CSTPP1: variants seen among roughly 807,000 people sequenced by gnomAD.
CSTPP1 encodes the protein UPF0705 protein C11orf49.
chr11:47,131,004 G>A, the CSTPP1 span, among the ~76,000 whole-genome samples: 1 of 152,190 alleles, frequency 6.6e-6, no homozygotes, highest in Non-Finnish European at 1.5e-5. Context: ...GACTCCCATG[G>A]CTTGTAGCAT....
the CSTPP1 span, among the ~76,000 whole-genome samples, chr11:47,066,622 A>G: frequency 6.6e-6 from 1 of 152,254 alleles, no homozygotes; most frequent in African/African-American, 2.4e-5. Flanking sequence ...TTTATAAAGT[A>G]GATGATAATC....
chr11:47,016,390 C>CAA, the CSTPP1 span, among the ~76,000 whole-genome samples: 94,434 of 125,582 alleles, frequency 0.75, 33,812 homozygotes, highest in African/African-American at 0.78. Flanking sequence ...ATGGAATCTA[C>CAA]AAAAAACAAA....
the CSTPP1 span, chr11:47,161,233 G>C: frequency 1.9e-6 from 3 of 1,614,012 alleles, no homozygotes; most frequent in Middle Eastern, 3.3e-4. Context: ...GTGGGGGCCA[G>C]ACGGGTCGGA....
the CSTPP1 span, among the ~76,000 whole-genome samples, chr11:46,942,883 C>T: frequency 1.2e-4 from 19 of 152,224 alleles, no homozygotes; most frequent in African/African-American, 4.3e-4. Flanking sequence ...CCAGGTTTGT[C>T]ATATTCCACA....
chr11:46,982,340 T>C, the CSTPP1 span, among the ~76,000 whole-genome samples: 2 of 152,132 alleles, frequency 1.3e-5, no homozygotes, highest in African/African-American at 4.8e-5. Context: ...TTTTCACTTG[T>C]ACTGCTATTG....
the CSTPP1 span, among the ~76,000 whole-genome samples, chr11:47,105,188 T>C: frequency 1.3e-5 from 2 of 152,160 alleles, no homozygotes; most frequent in Non-Finnish European, 2.9e-5. Context: ...GTGCCTATTA[T>C]TTAGAGGATT....
At chr11:46,954,275 G>A in the CSTPP1 span, among the ~76,000 whole-genome samples, 1 of 152,190 alleles carries the variant, frequency 6.6e-6, no homozygotes, top group Non-Finnish European at 1.5e-5. Flanking sequence ...TCGGCTGGAT[G>A]CAGTAGCTTA....
At chr11:47,087,843 G>A in the CSTPP1 span, among the ~76,000 whole-genome samples, 6 of 152,196 alleles carry the variant, frequency 3.9e-5, no homozygotes, top group Non-Finnish European at 7.3e-5. Context: ...GGGAATCCAA[G>A]AGCAGCTTAC....
the CSTPP1 span, among the ~76,000 whole-genome samples, chr11:47,046,093 T>C: frequency 1.3e-5 from 2 of 152,190 alleles, no homozygotes; most frequent in East Asian, 3.9e-4. Context: ...CCTAAAGTGG[T>C]AATTTTTACA....
the CSTPP1 span, among the ~76,000 whole-genome samples, chr11:47,055,608 T>C: frequency 6.6e-6 from 1 of 152,138 alleles, no homozygotes; most frequent in East Asian, 1.9e-4. Context: ...ATAGGTAAAG[T>C]GGGTATTATT....
the CSTPP1 span, among the ~76,000 whole-genome samples, chr11:46,959,332 T>A: frequency 1.3e-5 from 2 of 152,042 alleles, no homozygotes. Context: ...TAGGAAAGGG[T>A]CTTACAGATC....
chr11:46,981,274 A>G, the CSTPP1 span, among the ~76,000 whole-genome samples: 1 of 151,878 alleles, frequency 6.6e-6, no homozygotes, highest in African/African-American at 2.4e-5. Context: ...AAAAAAAAAG[A>G]TGCAGAAAGG....
chr11:47,152,021 A>G, the CSTPP1 span, among the ~76,000 whole-genome samples: 1 of 152,048 alleles, frequency 6.6e-6, no homozygotes. Context: ...CTGCCTCTAT[A>G]GGCGGATCAC....
At chr11:47,111,879 T>G in the CSTPP1 span, among the ~76,000 whole-genome samples, 1 of 152,240 alleles carries the variant, frequency 6.6e-6, no homozygotes, top group Non-Finnish European at 1.5e-5. Context: ...GATTTTACTG[T>G]TCTAAGCACT....
the CSTPP1 span, among the ~76,000 whole-genome samples, chr11:46,967,606 T>TA: frequency 6.6e-6 from 1 of 152,116 alleles, no homozygotes; most frequent in Non-Finnish European, 1.5e-5. Flanking sequence ...TCCAGATTTG[T>TA]AAAATGAAGA....
the CSTPP1 span, chr11:47,137,687 T>G: frequency 6.2e-7 from 1 of 1,614,184 alleles, no homozygotes; most frequent in Non-Finnish European, 8.5e-7. Context: ...CTGCAATTAC[T>G]GTGTCCTGAT....
the CSTPP1 span, among the ~76,000 whole-genome samples, chr11:47,145,840 T>C: frequency 6.6e-6 from 1 of 152,164 alleles, no homozygotes; most frequent in African/African-American, 2.4e-5. Flanking sequence ...CTTGCTGTGT[T>C]GCTCAGGCTG....
the CSTPP1 span, among the ~76,000 whole-genome samples, chr11:47,130,498 A>C: frequency 6.6e-6 from 1 of 152,166 alleles, no homozygotes; most frequent in Non-Finnish European, 1.5e-5. Context: ...GCCAGAGGAG[A>C]TAAAATTGAA....
At chr11:47,025,488 A>T in the CSTPP1 span, among the ~76,000 whole-genome samples, 1 of 152,346 alleles carries the variant, frequency 6.6e-6, no homozygotes, top group Non-Finnish European at 1.5e-5. Context: ...ACAACTTTGT[A>T]TGAAGTATTT....
Sources: allele counts gnomAD v4.1 joint callset (sites outside exome capture counted in the v4.1 genomes callset), GRCh38; gene constraint gnomAD v4.1.1; transcripts MANE v1.5; gene names NCBI Gene and HGNC (gene_info 2026-07-23, HGNC 2026-07-21).